The following R3HDM2 variants were observed in gnomAD, a reference collection of about 807,000 sequenced individuals.
R3HDM2 encodes the protein R3H domain containing 2.
R3HDM2 carries 38 observed loss-of-function variants against 124.5 expected under a neutral mutation model. The ratio of observed to expected loss-of-function variants is 0.31; its 90% CI spans 0.24 to 0.40. The LOEUF (loss-of-function observed/expected upper bound fraction) is 0.40, where lower values mean the gene tolerates loss of function less well. Among genes scored for constraint, R3HDM2 ranks in the 10% least tolerant of loss-of-function variants. The pLI, the probability that R3HDM2 is intolerant of heterozygous loss-of-function variation, is 1.00. For synonymous variants in R3HDM2, 391 were observed against 448.0 expected, an observed-to-expected ratio of 0.87 and a Z score of 1.61; for missense variants, 869 against 1,236.9, an observed-to-expected ratio of 0.70 and a Z score of 4.46.
intron 2 of R3HDM2, among the ~76,000 whole-genome samples, chr12:57,371,727 A>G (rs1301027403): frequency 6.6e-6 from 1 of 152,266 alleles, no homozygotes; most frequent in East Asian, 1.9e-4. Flanking sequence ...CAGAAAAGCC[A>G]GTATAACATA....
At chr12:57,402,332 T>A (rs530587793) in intron 1 of R3HDM2, among the ~76,000 whole-genome samples, 1 of 151,450 alleles carries the variant, frequency 6.6e-6, no homozygotes, top group African/African-American at 2.4e-5. Flanking sequence ...CACAATACTC[T>A]GCATGCATAA....
At chr12:57,418,657 C>G (rs1427495621) in intron 1 of R3HDM2, among the ~76,000 whole-genome samples, 1 of 151,566 alleles carries the variant, frequency 6.6e-6, no homozygotes, top group Non-Finnish European at 1.5e-5. Context: ...CTCCCCGGTT[C>G]AAGTGATTCT....
At chr12:57,340,089 A>T (rs563488714) in intron 2 of R3HDM2, among the ~76,000 whole-genome samples, 1 of 152,244 alleles carries the variant, frequency 6.6e-6, no homozygotes, top group African/African-American at 2.4e-5. Flanking sequence ...GTTGAAATAA[A>T]AAGAACTTTT....
rs556950512 is a variant in R3HDM2, at chr12:57,324,409, C to T, written c.-35-13946G>A. 1.6e-4 allele frequency among the ~76,000 whole-genome samples: 25 copies of T among 152,308 alleles called. No individual in the cohort carries two copies. In the South Asian group the frequency reaches 4.6e-3, roughly 28 times the overall value. On this transcript the variant is annotated intron_variant, in intron 2 of 23. Coordinates refer to ENST00000402412, the MANE Select transcript of R3HDM2 (RefSeq NM_001394031.1). ...TGTTGGGCAGGCTGGTCTCGAACTC[C>T]TGACCTCAGGTGATCCATCTGCCTC...
intron 1 of R3HDM2, among the ~76,000 whole-genome samples, chr12:57,421,228 A>G (rs2070160160): frequency 2.2e-5 from 3 of 137,230 alleles, no homozygotes; most frequent in Non-Finnish European, 4.6e-5. Context: ...CTCGGCTCAC[A>G]GCAACCTCCG....
Position 57,296,671 on chromosome 12 carries a change from T to A in R3HDM2, c.561-120A>T, listed in dbSNP as rs986969873. 9.6e-7 allele frequency: 1 copy of A among 1,042,170 alleles called. No homozygotes were observed. The highest frequency in any genetic ancestry group is 1.4e-6 in the Non-Finnish European group (1 of 729,518). The allele number at this position is 1,042,170 out of a possible 1,614,324, so 64.6% of individuals were successfully genotyped here. A position where few individuals can be genotyped will look rare whatever the true frequency, so the allele number is the denominator to read the frequency against. On this transcript the variant is annotated intron_variant, in intron 8 of 23. Transcript: ENST00000402412. This position sits in a 1 kb window ranked among gnomAD's most constrained non-coding sequence, Gnocchi z 4.5. Reference sequence around the variant, plus strand: ...TTTCTTAGGAGAAATAGACATATTATAAGGAATATAGATATTTACTAAATG... The same window carrying A: ...TTTCTTAGGAGAAATAGACATATTAAAAGGAATATAGATATTTACTAAATG...
At chr12:57,412,247 A>C (rs574968692) in intron 1 of R3HDM2, among the ~76,000 whole-genome samples, 1 of 152,334 alleles carries the variant, frequency 6.6e-6, no homozygotes, top group East Asian at 1.9e-4. Context: ...GCAGGTTCAA[A>C]ACACAAAGTA....
intron 2 of R3HDM2, among the ~76,000 whole-genome samples, chr12:57,395,118 G>A (rs1482775653): frequency 6.6e-6 from 1 of 151,992 alleles, no homozygotes; most frequent in African/African-American, 2.4e-5. Context: ...GCTGAGGCAG[G>A]AGAATCATTT....
chr12:57,408,161 C>T lies in R3HDM2; in HGVS notation c.-105-12343G>A, dbSNP rs1329430332. ...GGTCAGGCTGATCTCGAACTCCTAA[C>T]CTCAAATGATCCTCCCACCTCGGCC... On this transcript the variant is annotated intron_variant, in intron 1 of 23. Coordinates refer to ENST00000402412, the MANE Select transcript of R3HDM2 (RefSeq NM_001394031.1). Among the ~76,000 whole-genome samples, 5 of 152,192 alleles carry T rather than the reference C, an allele frequency of 3.3e-5. No individual in the cohort carries two copies. In the East Asian group the frequency reaches 7.8e-4, roughly 24 times the overall value.
chr12:57,313,339 C>T (rs1264758416), intron 2 of R3HDM2, among the ~76,000 whole-genome samples: 5 of 152,052 alleles, frequency 3.3e-5, no homozygotes, highest in Admixed American at 2.0e-4. Flanking sequence ...CCAGCAGGAT[C>T]GCTTGAGCCC....
At chr12:57,422,405 C>T (rs2070304977) in intron 1 of R3HDM2, among the ~76,000 whole-genome samples, 1 of 152,150 alleles carries the variant, frequency 6.6e-6, no homozygotes, top group South Asian at 2.1e-4. Context: ...CATATGTAGC[C>T]TCATCCCATT....
intron 2 of R3HDM2, among the ~76,000 whole-genome samples, chr12:57,311,899 A>C (rs1266120611): frequency 6.6e-6 from 1 of 152,202 alleles, no homozygotes; most frequent in East Asian, 1.9e-4. Context: ...CCTGTAATGA[A>C]GCCTACACAG....
chr12:57,323,827 C>G (rs1004636383), intron 2 of R3HDM2, among the ~76,000 whole-genome samples: 1 of 152,100 alleles, frequency 6.6e-6, no homozygotes, highest in Non-Finnish European at 1.5e-5. Flanking sequence ...TGGAACAGAA[C>G]AAACCGAATA....
At chr12:57,408,050 C>A (rs1407614350) in intron 1 of R3HDM2, among the ~76,000 whole-genome samples, 1 of 152,208 alleles carries the variant, frequency 6.6e-6, no homozygotes, top group Non-Finnish European at 1.5e-5. Context: ...CTGCCTCAGC[C>A]TCCTGAGTAG....
At chr12:57,367,161 T>C (rs1300818244) in intron 2 of R3HDM2, among the ~76,000 whole-genome samples, 3 of 152,218 alleles carry the variant, frequency 2.0e-5, no homozygotes. Flanking sequence ...TAAGTGTTTC[T>C]ACTCTGGTTA....
At chr12:57,379,981 A>G (rs2064616953) in intron 2 of R3HDM2, among the ~76,000 whole-genome samples, 1 of 152,180 alleles carries the variant, frequency 6.6e-6, no homozygotes, top group East Asian at 1.9e-4. Context: ...ACATAGGCAT[A>G]CTAAAAATAC....
intron 11 of R3HDM2, 53 bp from the exon 12 acceptor site, chr12:57,289,093 G>A: frequency 2.0e-6 from 3 of 1,468,090 alleles, no homozygotes; most frequent in Non-Finnish European, 2.8e-6. Flanking sequence ...AGCATGGCAT[G>A]ACCGAAAAGG....
chr12:57,428,955 C>G (rs1218143827), intron 1 of R3HDM2, among the ~76,000 whole-genome samples: 1 of 152,044 alleles, frequency 6.6e-6, no homozygotes, highest in Non-Finnish European at 1.5e-5. Context: ...CCATGTTGGC[C>G]AGGCTGGTCT....
chr12:57,399,231 G>A (rs1220420173), intron 1 of R3HDM2, among the ~76,000 whole-genome samples: 2 of 151,916 alleles, frequency 1.3e-5, no homozygotes, highest in Non-Finnish European at 2.9e-5. Flanking sequence ...GTGAAACACC[G>A]TCTCTACTAA....
Sources: allele counts gnomAD v4.1 joint callset (sites outside exome capture counted in the v4.1 genomes callset), GRCh38; gene constraint gnomAD v4.1.1; non-coding constraint Gnocchi (gnomAD v3.1); transcripts MANE v1.5; gene names NCBI Gene and HGNC (gene_info 2026-07-23, HGNC 2026-07-21).